SLC9C2: variants seen among roughly 807,000 people sequenced by gnomAD.
The protein encoded by SLC9C2 is solute carrier family 9 member C2 (putative).
Under a neutral mutation model 140.2 loss-of-function variants are expected in SLC9C2, and 75 were observed. The observed-to-expected ratio is 0.53, with a 90% CI of 0.44 to 0.65. The LOEUF is 0.65. SLC9C2 is among the 30% of genes least tolerant of loss of function. The pLI is 0.00. For missense variants in SLC9C2, 1,074 were observed against 1,331.8 expected, an observed-to-expected ratio of 0.81 and a Z score of 3.01; for synonymous variants, 375 against 420.9, an observed-to-expected ratio of 0.89 and a Z score of 1.34.
chr1:173,503,578 G>A lies in SLC9C2; in HGVS notation c.3311-252C>T, dbSNP rs114235852. Among the ~76,000 whole-genome samples, 1,463 of 152,282 alleles carry A rather than the reference G, an allele frequency of 9.6e-3. 28 individuals carry two copies. Among genetic ancestry groups the A allele is most frequent in the African/African-American group, 0.034 (1,404 of 41,562 alleles). On this transcript the variant is annotated intron_variant, in intron 26 of 27. Coordinates refer to ENST00000367714, the MANE Select transcript of SLC9C2 (RefSeq NM_178527.4). ...CAGTTGAAGTGGGCGGGGTAAAGGCGAGAGTGAGCAGTGTGGACTGTGGCA... is the reference window on the plus strand; with the variant it reads ...CAGTTGAAGTGGGCGGGGTAAAGGCAAGAGTGAGCAGTGTGGACTGTGGCA...
At chr1:173,515,611 C>T (rs949549919) in intron 23 of SLC9C2, among the ~76,000 whole-genome samples, 8 of 152,122 alleles carry the variant, frequency 5.3e-5, no homozygotes, top group Admixed American at 3.9e-4. Flanking sequence ...GAACATGCTC[C>T]TTTAGCTCAG....
At chr1:173,533,880 C>A in intron 16 of SLC9C2, 83 bp from the exon 17 acceptor site, 1 of 1,382,382 alleles carries the variant, frequency 7.2e-7, no homozygotes, top group Non-Finnish European at 9.6e-7. Flanking sequence ...CAACTAAGTT[C>A]TTAACTACAA....
chr1:173,573,441 C>T, intron 8 of SLC9C2, 116 bp from the exon 9 acceptor site: 3 of 719,268 alleles, frequency 4.2e-6, no homozygotes, highest in South Asian at 3.1e-5. Flanking sequence ...GAGGCCCTTG[C>T]CTTCATCTCT....
chr1:173,551,997 C>G (rs1663347776), intron 11 of SLC9C2, among the ~76,000 whole-genome samples: 1 of 152,182 alleles, frequency 6.6e-6, no homozygotes, highest in Non-Finnish European at 1.5e-5. Flanking sequence ...ATTAAAAGTG[C>G]TACTCCAGTG....
At chr1:173,502,153 G>T (rs1659322511) in intron 27 of SLC9C2, among the ~76,000 whole-genome samples, 1 of 151,394 alleles carries the variant, frequency 6.6e-6, no homozygotes, top group Non-Finnish European at 1.5e-5. Flanking sequence ...TGTGCCTGTA[G>T]TCCCAGCTAC....
intron 8 of SLC9C2, among the ~76,000 whole-genome samples, chr1:173,576,307 C>A (rs61828913): frequency 0.14 from 21,263 of 152,098 alleles, 1,777 homozygotes; most frequent in East Asian, 0.32. Flanking sequence ...TTCTGCTACT[C>A]GTCTTTTCCA....
chr1:173,535,967 A>G lies in SLC9C2; in HGVS notation c.1656-18T>C, dbSNP rs1424358538. Reference sequence around the variant, plus strand: ...TCATGAATCTAACAGAGAAAAATGTACATATGTGTTATAATAAAAAGCAAG... The same window carrying G: ...TCATGAATCTAACAGAGAAAAATGTGCATATGTGTTATAATAAAAAGCAAG... On this transcript the variant is annotated intron_variant, in intron 14 of 27. Coordinates refer to ENST00000367714, the MANE Select transcript of SLC9C2 (RefSeq NM_178527.4). The G allele has an allele frequency of 6.8e-7, 1 of 1,480,998 alleles. No individual in the cohort carries two copies. Among genetic ancestry groups the G allele is most frequent in the Non-Finnish European group, 9.0e-7 (1 of 1,107,710 alleles). 91.7% of individuals were successfully genotyped at this position (1,480,998 alleles called of 1,614,324 possible).
rs746084542 is a variant in SLC9C2, at chr1:173,602,775, T to G, written c.-104A>C. ...CCTTTGGTCCTTTGTTTTGCAGGTC[T>G]ACAGGTCACAATGATTCTGGTGTGA... On this transcript the variant is annotated 5_prime_UTR_variant, in exon 1 of 28. Transcript: ENST00000367714. 3 of 152,220 alleles carry G rather than the reference T, an allele frequency of 2.0e-5. No homozygotes were observed. The highest frequency in any genetic ancestry group is 2.9e-5 in the Non-Finnish European group (2 of 68,046). The allele number at this position is 152,220 out of a possible 1,614,324, so 9.4% of individuals were successfully genotyped here. A position where few individuals can be genotyped will look rare whatever the true frequency, so the allele number is the denominator to read the frequency against.
intron 19 of SLC9C2, among the ~76,000 whole-genome samples, chr1:173,526,378 C>G (rs1661198454): frequency 6.6e-6 from 1 of 152,182 alleles, no homozygotes; most frequent in African/African-American, 2.4e-5. Context: ...TTCCACACTC[C>G]TCTCATTCTT....
At chr1:173,559,591 C>T (rs1360256982) in intron 9 of SLC9C2, among the ~76,000 whole-genome samples, 1 of 152,250 alleles carries the variant, frequency 6.6e-6, no homozygotes, top group Admixed American at 6.5e-5. Context: ...TTTGAGTGGT[C>T]TCCCATGCAG....
chr1:173,586,519 C>A (rs946989538), intron 5 of SLC9C2, among the ~76,000 whole-genome samples: 12 of 152,016 alleles, frequency 7.9e-5, no homozygotes, highest in African/African-American at 2.7e-4. Context: ...CCCAGCAATC[C>A]CATTACTGGG....
chr1:173,551,757 TCG>T (rs1235025253), intron 11 of SLC9C2, among the ~76,000 whole-genome samples: 2 of 152,134 alleles, frequency 1.3e-5, no homozygotes, highest in Non-Finnish European at 2.9e-5. Flanking sequence ...TCCTTGGATC[TCG>T]CTATTCCCTG....
chr1:173,527,296 G>A (rs1318561952), intron 18 of SLC9C2, among the ~76,000 whole-genome samples: 2 of 152,184 alleles, frequency 1.3e-5, no homozygotes, highest in South Asian at 2.1e-4. Context: ...AGTACAGTCA[G>A]TAGCTTGCAT....
At chr1:173,525,065 A>T in intron 19 of SLC9C2, 138 bp from the exon 20 acceptor site, 1 of 949,764 alleles carries the variant, frequency 1.1e-6, no homozygotes, top group Non-Finnish European at 1.5e-6. Context: ...TCATGAGGTC[A>T]GCAGGCAAAG....
chr1:173,563,013 G>A (rs974720270), intron 9 of SLC9C2, among the ~76,000 whole-genome samples: 1 of 151,668 alleles, frequency 6.6e-6, no homozygotes, highest in Non-Finnish European at 1.5e-5. Flanking sequence ...CCTGGTGGAG[G>A]CGGACAGCAG....
intron 21 of SLC9C2, among the ~76,000 whole-genome samples, chr1:173,522,920 C>T (rs1660928563): frequency 6.6e-6 from 1 of 152,214 alleles, no homozygotes; most frequent in African/African-American, 2.4e-5. Flanking sequence ...CATCTCTCTT[C>T]AAATGTCACC....
intron 21 of SLC9C2, among the ~76,000 whole-genome samples, chr1:173,522,429 T>C (rs1306298875): frequency 2.6e-5 from 4 of 152,230 alleles, no homozygotes; most frequent in South Asian, 4.2e-4. Context: ...ATAGCAAAGA[T>C]TGTATATGTC....
chr1:173,543,213 A>AACGG, intron 13 of SLC9C2, among the ~76,000 whole-genome samples: 1 of 123,564 alleles, frequency 8.1e-6, no homozygotes, highest in South Asian at 2.6e-4. Context: ...ATACACTAAT[A>AACGG]ACAGACAGAG....
At chr1:173,509,466 C>T in intron 24 of SLC9C2, 102 bp downstream of exon 24, 4 of 1,129,536 alleles carry the variant, frequency 3.5e-6, no homozygotes, top group Non-Finnish European at 4.8e-6. Flanking sequence ...AAATCAAACA[C>T]AAATTTCCTT....
Sources: allele counts gnomAD v4.1 joint callset (sites outside exome capture counted in the v4.1 genomes callset), GRCh38; gene constraint gnomAD v4.1.1; transcripts MANE v1.5; gene names NCBI Gene and HGNC (gene_info 2026-07-23, HGNC 2026-07-21).